The following ZFPM2 variants were observed in gnomAD, a reference collection of about 807,000 sequenced individuals.
The protein encoded by ZFPM2 is zinc finger protein, FOG family member 2, also known as zinc finger protein ZFPM2.
In ZFPM2, 20 loss-of-function variants were observed where a neutral mutation model predicts 98.6. That is an observed-to-expected ratio of 0.20 (90% CI 0.14 to 0.29). The LOEUF (loss-of-function observed/expected upper bound fraction) is 0.29, where lower values mean the gene tolerates loss of function less well. Among genes scored for constraint, ZFPM2 ranks in the 10% least tolerant of loss-of-function variants. The probability of loss-of-function intolerance (pLI) is 1.00; values close to 1 mark genes in which losing one functional copy is unlikely to be tolerated. For missense variants in ZFPM2, 1,310 were observed against 1,388.6 expected, an observed-to-expected ratio of 0.94 and a Z score of 0.90; for synonymous variants, 518 against 502.7, an observed-to-expected ratio of 1.03 and a Z score of -0.41.
chr8:105,400,912 C>A (rs1811327225), intron 1 of ZFPM2, among the ~76,000 whole-genome samples: 1 of 151,958 alleles, frequency 6.6e-6, no homozygotes, highest in Non-Finnish European at 1.5e-5. Context: ...TAGAATATGT[C>A]CATCAGCAAG....
At chr8:105,577,368 G>A (rs1307082785) in intron 4 of ZFPM2, among the ~76,000 whole-genome samples, 1 of 151,978 alleles carries the variant, frequency 6.6e-6, no homozygotes, top group Non-Finnish European at 1.5e-5. Flanking sequence ...AGAGTAAACA[G>A]TTGATTTTTA....
intron 3 of ZFPM2, among the ~76,000 whole-genome samples, chr8:105,489,466 A>ATATATATATATATATATATTTT (rs1554610604): frequency 1.7e-5 from 2 of 119,810 alleles, no homozygotes; most frequent in African/African-American, 7.2e-5. Context: ...ATATATATAT[A>ATATATATATATATATATATTTT]TTTTTTTTTT....
chr8:105,762,541 T>G (rs1348403083), intron 5 of ZFPM2, among the ~76,000 whole-genome samples: 1 of 151,992 alleles, frequency 6.6e-6, no homozygotes, highest in Non-Finnish European at 1.5e-5. Context: ...AATGCCAGTG[T>G]AACAGATGGC....
chr8:105,432,263 G>A (rs1255802642), intron 2 of ZFPM2, among the ~76,000 whole-genome samples: 4 of 152,000 alleles, frequency 2.6e-5, no homozygotes, highest in Non-Finnish European at 5.9e-5. Context: ...GATCAAGCAG[G>A]AGGAAAAAAA....
rs1396210817 is a variant in ZFPM2 at position 105,755,250 on chromosome 8, C to T, written c.533-33468C>T. 2.0e-5 allele frequency among the ~76,000 whole-genome samples: 3 copies of T among 151,920 alleles called. 1 individual carries two copies. Reference sequence around the variant, plus strand: ...GCAAGTTTTGTGCCTGTAATAAAACCTCTATGTCAAAAATCACCCTTATGC... The same window carrying T: ...GCAAGTTTTGTGCCTGTAATAAAACTTCTATGTCAAAAATCACCCTTATGC... On this transcript the variant is annotated intron_variant, in intron 5 of 7. Transcript: ENST00000407775.
chr8:105,444,169 A>G (rs1812320407), intron 2 of ZFPM2, 111 bp from the exon 3 acceptor site: 3 of 802,390 alleles, frequency 3.7e-6, no homozygotes, highest in Admixed American at 2.1e-5. Flanking sequence ...GACAATATGT[A>G]TAACAAACCT....
intron 2 of ZFPM2, among the ~76,000 whole-genome samples, chr8:105,421,059 T>A (rs1243744174): frequency 6.6e-6 from 1 of 152,086 alleles, no homozygotes; most frequent in Non-Finnish European, 1.5e-5. Flanking sequence ...AGGTAGTAAT[T>A]TCCTGGGAGA....
chr8:105,545,289 T>A (rs1814670581), intron 3 of ZFPM2, among the ~76,000 whole-genome samples: 1 of 152,202 alleles, frequency 6.6e-6, no homozygotes, highest in South Asian at 2.1e-4. Context: ...TTAATGTAAT[T>A]GTCCATTATA....
At chr8:105,469,121 T>G (rs566071694) in intron 3 of ZFPM2, among the ~76,000 whole-genome samples, 1 of 152,316 alleles carries the variant, frequency 6.6e-6, no homozygotes, top group South Asian at 2.1e-4. Flanking sequence ...GTAACCACTT[T>G]GATCATGGAG....
At chr8:105,613,240 C>T (rs1250692779) in intron 4 of ZFPM2, among the ~76,000 whole-genome samples, 1 of 151,882 alleles carries the variant, frequency 6.6e-6, no homozygotes, top group East Asian at 1.9e-4. Flanking sequence ...GCAGAGCACA[C>T]CATGGTGAAA....
intron 1 of ZFPM2, among the ~76,000 whole-genome samples, chr8:105,330,485 A>G (rs1812189898): frequency 6.8e-6 from 1 of 147,524 alleles, no homozygotes; most frequent in South Asian, 2.1e-4. Context: ...AAAATGACCT[A>G]GTTTCTTCTA....
rs190923941 is a variant in ZFPM2 at position 105,514,026 on chromosome 8, T to A, written c.302-47337T>A. ...GTCTTTTTTTTTTTTTTCCCAAGAT[T>A]AAGTGTCACTTTATGGCCCAGGATG... On this transcript the variant is annotated intron_variant, in intron 3 of 7. Transcript: ENST00000407775. Among the ~76,000 whole-genome samples, 9 of 147,902 alleles carry A rather than the reference T, an allele frequency of 6.1e-5. 1 individual carries two copies. The East Asian group carries it at 1.8e-3, about 30-fold the overall frequency.
intron 1 of ZFPM2, among the ~76,000 whole-genome samples, chr8:105,353,363 G>T (rs1812684838): frequency 1.3e-5 from 2 of 152,100 alleles, no homozygotes; most frequent in South Asian, 4.1e-4. Flanking sequence ...TGTGTGACTG[G>T]TTATCACCAT....
At chr8:105,656,817 T>C (rs933565245) in intron 5 of ZFPM2, among the ~76,000 whole-genome samples, 2 of 152,226 alleles carry the variant, frequency 1.3e-5, no homozygotes, top group African/African-American at 4.8e-5. Flanking sequence ...AAACAGCATT[T>C]ACTTGTATTC....
chr8:105,739,432 G>T (rs1054048606), intron 5 of ZFPM2, among the ~76,000 whole-genome samples: 6 of 151,962 alleles, frequency 3.9e-5, no homozygotes, highest in African/African-American at 1.2e-4. Flanking sequence ...GATTTTTTCT[G>T]CTATTCCTAA....
intron 6 of ZFPM2, among the ~76,000 whole-genome samples, chr8:105,793,292 A>G (rs1813682524): frequency 6.6e-6 from 1 of 151,104 alleles, no homozygotes; most frequent in Non-Finnish European, 1.5e-5. Flanking sequence ...TGGTGACAAA[A>G]TCTCTCAGCA....
chr8:105,736,541 A>G (rs1004574220), intron 5 of ZFPM2, among the ~76,000 whole-genome samples: 1 of 152,028 alleles, frequency 6.6e-6, no homozygotes, highest in African/African-American at 2.4e-5. Flanking sequence ...CATTTCCTCT[A>G]CAGTAGGGAA....
At chr8:105,534,184 C>T (rs1207833169) in intron 3 of ZFPM2, among the ~76,000 whole-genome samples, 9 of 78,506 alleles carry the variant, frequency 1.1e-4, no homozygotes, top group African/African-American at 5.2e-4. Flanking sequence ...CTCCTTCCCT[C>T]CTCCCTTCCT....
chr8:105,394,508 T>A (rs1472275961), intron 1 of ZFPM2, among the ~76,000 whole-genome samples: 3 of 152,238 alleles, frequency 2.0e-5, no homozygotes, highest in Admixed American at 2.0e-4. Context: ...TAGAACACTG[T>A]ATAGAATGTA....
Sources: gnomAD v4.1 joint callset for allele counts (sites outside exome capture counted in the v4.1 genomes callset) on GRCh38, gnomAD v4.1.1 for gene constraint, MANE v1.5 for transcripts, NCBI Gene and HGNC (gene_info 2026-07-23, HGNC 2026-07-21) for gene names.